BTBD7: variants seen among roughly 807,000 people sequenced by gnomAD.
BTBD7 encodes the protein BTB domain containing 7, also known as BTB/POZ domain-containing protein 7.
In BTBD7, 38 loss-of-function variants were observed where a neutral mutation model predicts 99.9. The ratio of observed to expected loss-of-function variants is 0.38; its 90% CI spans 0.29 to 0.50. The LOEUF is 0.50. Among genes scored for constraint, BTBD7 ranks in the 20% least tolerant of loss-of-function variants. The pLI is 0.93. For missense variants in BTBD7, 1,170 were observed against 1,394.6 expected (o/e 0.84, Z 2.57); for synonymous variants, 520 against 511.4 (o/e 1.02, Z -0.23).
intron 1 of BTBD7, among the ~76,000 whole-genome samples, chr14:93,327,615 T>C (rs2053348263): frequency 6.6e-6 from 1 of 152,174 alleles, no homozygotes; most frequent in African/African-American, 2.4e-5. Context: ...ACCAGGAATA[T>C]AAGGAAACTA....
At chr14:93,245,193 T>C (rs2052290440) in intron 10 of BTBD7, among the ~76,000 whole-genome samples, 1 of 151,940 alleles carries the variant, frequency 6.6e-6, no homozygotes, top group Non-Finnish European at 1.5e-5. Context: ...TAAAGTATAT[T>C]ATACAAAATC....
At chr14:93,323,781 G>A (rs2053296384) in intron 1 of BTBD7, among the ~76,000 whole-genome samples, 2 of 152,162 alleles carry the variant, frequency 1.3e-5, no homozygotes, top group South Asian at 4.1e-4. Context: ...TTACTTTAAA[G>A]ACAACACCAC....
At chr14:93,252,777 T>C (rs539935430) in intron 7 of BTBD7, among the ~76,000 whole-genome samples, 15 of 152,276 alleles carry the variant, frequency 9.9e-5, no homozygotes, top group African/African-American at 3.4e-4. Context: ...AAGGATTTCC[T>C]GCTTTCAAAG....
chr14:93,296,204 T>G, intron 1 of BTBD7, 47 bp from the exon 2 acceptor site: 1 of 1,248,396 alleles, frequency 8.0e-7, no homozygotes, highest in Admixed American at 3.9e-5. Context: ...CAAGTGTATC[T>G]CAGATCACAG....
chr14:93,248,374 C>G (rs117053891), intron 9 of BTBD7, 102 bp downstream of exon 9: 3 of 1,252,842 alleles, frequency 2.4e-6, no homozygotes, highest in Non-Finnish European at 3.3e-6. Flanking sequence ...AAAGCACATA[C>G]GACGAAAAGG....
At chr14:93,291,024 G>A (rs1198417190) in intron 3 of BTBD7, among the ~76,000 whole-genome samples, 1 of 135,318 alleles carries the variant, frequency 7.4e-6, no homozygotes, top group Non-Finnish European at 1.6e-5. Flanking sequence ...GTAGAGACGA[G>A]GTCTCACTAT....
chr14:93,281,495 A>C (rs1006454798), intron 3 of BTBD7, among the ~76,000 whole-genome samples: 1 of 152,188 alleles, frequency 6.6e-6, no homozygotes, highest in African/African-American at 2.4e-5. Flanking sequence ...TATAGTTCTT[A>C]AACACTTTTA....
At chr14:93,290,215 A>AT (rs565702489) in intron 3 of BTBD7, among the ~76,000 whole-genome samples, 4,098 of 134,278 alleles carry the variant, frequency 0.031, 77 homozygotes, top group Middle Eastern at 0.097. Flanking sequence ...CTGCCTTTTA[A>AT]TTTTTTTTTT....
chr14:93,288,071 C>G (rs1470110170), intron 3 of BTBD7: 1 of 167,576 alleles, frequency 6.0e-6, no homozygotes, highest in Admixed American at 6.1e-5. Context: ...TACTGAAAAT[C>G]TCAATACCAT....
intron 3 of BTBD7, among the ~76,000 whole-genome samples, chr14:93,264,695 T>G (rs2052523273): frequency 6.6e-6 from 1 of 152,112 alleles, no homozygotes; most frequent in Non-Finnish European, 1.5e-5. Flanking sequence ...TGACAAAGAT[T>G]ATGGGAGTGA....
Position 93,301,157 on chromosome 14 carries a change from C to T in BTBD7, c.-106-5000G>A, listed in dbSNP as rs1232085995. 7.3e-5 allele frequency among the ~76,000 whole-genome samples: 11 copies of T among 151,636 alleles called. 1 individual carries two copies. In the South Asian group the frequency reaches 2.3e-3, roughly 31 times the overall value. The stretch of plus-strand genomic sequence containing the variant: ...ACTGCTTGAGGCCAGGAGTTAGAGA[C>T]CAACCTGGGCAACATTGTGAGACTC... On this transcript the variant is annotated intron_variant, in intron 1 of 10. Transcript: ENST00000334746.
At position 93,245,939 on chromosome 14, in the gene BTBD7, T is replaced by C. The variant is rs2052300183; in HGVS notation, c.2469A>G (p.Ala823=). Residue 823 remains alanine, a synonymous_variant, in exon 10 of 11, where the codon GCA becomes GCG. Coordinates refer to ENST00000334746, the MANE Select transcript of BTBD7 (RefSeq NM_001002860.4). ...CTGCAGTGCTGGTACAATCAGGCGG[T>C]GCAGCTTTCACACTCGGCAAGTAGA... ...PPVYLPSVKA[A]PPDCTSTAGL... 1 of 1,613,972 alleles carries C rather than the reference T, an allele frequency of 6.2e-7. No individual in the cohort carries two copies. Among genetic ancestry groups the C allele is most frequent in the Admixed American group, 1.7e-5 (1 of 59,982 alleles).
chr14:93,276,680 A>G (rs925299762), intron 3 of BTBD7, among the ~76,000 whole-genome samples: 1 of 152,090 alleles, frequency 6.6e-6, no homozygotes, highest in Non-Finnish European at 1.5e-5. Flanking sequence ...ACTGAGATTG[A>G]TGCTGCATGT....
chr14:93,295,941 AAAATGAAG>A, intron 2 of BTBD7, 21 bp downstream of exon 2: 1 of 1,606,342 alleles, frequency 6.2e-7, no homozygotes, highest in African/African-American at 1.3e-5. Flanking sequence ...GTCACAAAAG[AAAATGAAG>A]TTAGAAAAAC....
chr14:93,294,229 C>A lies in BTBD7; in HGVS notation c.791G>T (p.Gly264Val), dbSNP rs1245441108. The change falls in exon 3 of 11, where the codon GGT becomes GTT. Residue 264 changes from glycine to valine, a missense_variant. Coordinates refer to ENST00000334746, the MANE Select transcript of BTBD7 (RefSeq NM_001002860.4). ...SSDSELVEAFGGNQNCLDEEL... is the reference protein window; with the variant it reads ...SSDSELVEAFVGNQNCLDEEL... ...TTCATCTAAACAGTTCTGATTTCCA[C>A]CAAAAGCTTCAACCAGTTCAGAGTC... 7.4e-6 allele frequency: 12 copies of A among 1,613,716 alleles called. No individual in the cohort carries two copies. The highest frequency in any genetic ancestry group is 1.1e-5 in the South Asian group (1 of 91,002).
intron 3 of BTBD7, among the ~76,000 whole-genome samples, chr14:93,286,720 T>C (rs915963005): frequency 6.6e-6 from 1 of 152,148 alleles, no homozygotes; most frequent in African/African-American, 2.4e-5. Flanking sequence ...CTTCCAAACC[T>C]GGGAAAAGGC....
intron 1 of BTBD7, among the ~76,000 whole-genome samples, chr14:93,326,899 T>C (rs1011039030): frequency 2.0e-5 from 3 of 152,042 alleles, no homozygotes; most frequent in Non-Finnish European, 4.4e-5. Context: ...TCTTCTAGAG[T>C]GGTGAACTTT....
intron 1 of BTBD7, among the ~76,000 whole-genome samples, chr14:93,313,649 C>T (rs1006205944): frequency 1.3e-5 from 2 of 150,798 alleles, no homozygotes; most frequent in Non-Finnish European, 2.9e-5. Context: ...AGGAAAGTAT[C>T]TGAATTTTTG....
At chr14:93,274,313 C>G (rs1267464560) in intron 3 of BTBD7, among the ~76,000 whole-genome samples, 3 of 152,194 alleles carry the variant, frequency 2.0e-5, no homozygotes, top group Non-Finnish European at 4.4e-5. Flanking sequence ...TGCCTTTCAC[C>G]ACAGCAGCCC....
Sources: gnomAD v4.1 joint callset for allele counts (sites outside exome capture counted in the v4.1 genomes callset) on GRCh38, gnomAD v4.1.1 for gene constraint, MANE v1.5 for transcripts, NCBI Gene and HGNC (gene_info 2026-07-23, HGNC 2026-07-21) for gene names.